Variants in ASAP1 observed in about 807,000 individuals in gnomAD.
ASAP1 encodes ArfGAP with SH3 domain, ankyrin repeat and PH domain 1, also known as arf-GAP with SH3 domain, ANK repeat and PH domain-containing protein 1.
A neutral mutation model predicts 145.2 loss-of-function variants in ASAP1; 43 were observed. The observed-to-expected ratio is 0.30, with a 90% confidence interval of 0.23 to 0.38. The LOEUF is 0.38. Ranked by LOEUF, ASAP1 falls within the 10% of genes least tolerant of loss-of-function variation. ASAP1 has a pLI of 1.00. For missense variants in ASAP1, 1,018 were observed against 1,355.3 expected (o/e 0.75, Z 3.91); for synonymous variants, 546 against 515.5 (o/e 1.06, Z -0.80).
chr8:130,283,536 C>G (rs1244863383), intron 3 of ASAP1, among the ~76,000 whole-genome samples: 2 of 131,898 alleles, frequency 1.5e-5, no homozygotes, highest in Non-Finnish European at 3.1e-5. Context: ...GAGGAGATCA[C>G]GTCACTGCAC....
intron 5 of ASAP1, among the ~76,000 whole-genome samples, chr8:130,188,882 T>C (rs925318744): frequency 6.6e-6 from 1 of 152,184 alleles, no homozygotes; most frequent in Non-Finnish European, 1.5e-5. Context: ...TCTGCCAAAA[T>C]TGTAGCTCTT....
intron 2 of ASAP1, among the ~76,000 whole-genome samples, chr8:130,364,768 T>C (rs1438662006): frequency 1.3e-5 from 2 of 152,134 alleles, no homozygotes; most frequent in East Asian, 1.9e-4. Context: ...ATTGGCACCA[T>C]TCAGAGGAGA....
chr8:130,304,217 G>A (rs1330688130), intron 3 of ASAP1, among the ~76,000 whole-genome samples: 3 of 149,454 alleles, frequency 2.0e-5, no homozygotes, highest in African/African-American at 4.9e-5. Flanking sequence ...AAAAAGAAAC[G>A]GCTCCTAGAT....
intron 5 of ASAP1, among the ~76,000 whole-genome samples, chr8:130,191,321 A>G (rs951600340): frequency 6.6e-6 from 1 of 152,164 alleles, no homozygotes; most frequent in African/African-American, 2.4e-5. Context: ...GGAACCCAAG[A>G]CTGCAGAGAC....
intron 3 of ASAP1, among the ~76,000 whole-genome samples, chr8:130,347,363 G>A (rs895544675): frequency 6.6e-6 from 1 of 152,218 alleles, no homozygotes; most frequent in African/African-American, 2.4e-5. Context: ...GGTGACACTT[G>A]CAGAGGGAAG....
In ASAP1 at chr8:130,106,089, CAG is replaced by C. The variant is rs1158386808; in HGVS notation, c.2401+6003_2401+6004del. ...AGGTCACTATTCAGGGCAAAAATCA[CAG>C]ATGATACTCTGGGCCAGCACTAGGT... On this transcript the variant is annotated intron_variant, in intron 24 of 29. Transcript: ENST00000518721. Among the ~76,000 whole-genome samples the C allele has an allele frequency of 5.9e-5, 9 of 152,268 alleles. No homozygotes were observed. The East Asian group carries it at 1.7e-3, about 29-fold the overall frequency.
intron 3 of ASAP1, 78 bp from the exon 4 acceptor site, chr8:130,237,072 T>G (rs188361342): frequency 8.8e-7 from 1 of 1,131,818 alleles, no homozygotes; most frequent in Admixed American, 2.6e-5. Flanking sequence ...TCATTTGTAA[T>G]TGCATTTGTT....
At chr8:130,313,664 A>G (rs1307046119) in intron 3 of ASAP1, among the ~76,000 whole-genome samples, 1 of 152,248 alleles carries the variant, frequency 6.6e-6, no homozygotes, top group African/African-American at 2.4e-5. Context: ...CAGAAAATAA[A>G]AAATAAAATT....
chr8:130,439,182 T>C (rs1436345520), intron 1 of ASAP1, among the ~76,000 whole-genome samples: 1 of 151,788 alleles, frequency 6.6e-6, no homozygotes, highest in Non-Finnish European at 1.5e-5. Flanking sequence ...GCTTTGGAGG[T>C]GGAAGAAGGA....
intron 3 of ASAP1, among the ~76,000 whole-genome samples, chr8:130,351,605 G>C (rs1337590176): frequency 6.6e-6 from 1 of 152,150 alleles, no homozygotes; most frequent in Non-Finnish European, 1.5e-5. Flanking sequence ...AGGAGGAGAA[G>C]TGGGAGCAGG....
intron 3 of ASAP1, among the ~76,000 whole-genome samples, chr8:130,318,764 A>G (rs1431122056): frequency 6.6e-6 from 1 of 152,172 alleles, no homozygotes; most frequent in Admixed American, 6.6e-5. Context: ...CTTCAAATAT[A>G]GACTAGACAC....
intron 16 of ASAP1, among the ~76,000 whole-genome samples, chr8:130,126,616 A>G (rs1166146417): frequency 6.6e-6 from 1 of 152,204 alleles, no homozygotes; most frequent in African/African-American, 2.4e-5. Flanking sequence ...CCCTAGAACA[A>G]TGGGAACTAT....
At chr8:130,430,102 C>T (rs534891960) in intron 1 of ASAP1, among the ~76,000 whole-genome samples, 1 of 152,318 alleles carries the variant, frequency 6.6e-6, no homozygotes, top group South Asian at 2.1e-4. Context: ...CACCAGGGCC[C>T]CGATCCTTCT....
intron 5 of ASAP1, among the ~76,000 whole-genome samples, chr8:130,212,856 A>T (rs1374215501): frequency 6.6e-6 from 1 of 152,226 alleles, no homozygotes; most frequent in Non-Finnish European, 1.5e-5. Flanking sequence ...TGGTCCAGGA[A>T]CCTTGGAGGT....
At position 130,358,342 on chromosome 8, in the gene ASAP1, G is replaced by C. The variant is rs1442647013; in HGVS notation, c.60-199C>G. On this transcript the variant is annotated intron_variant, in intron 2 of 29. Coordinates refer to ENST00000518721, the MANE Select transcript of ASAP1 (RefSeq NM_018482.4). The surrounding 1 kb of genome is among the most constrained non-coding windows in gnomAD (Gnocchi z 4.1). ...GCGAAGGCAGGCGGCGGCGGCGCTGGCGGGGCTCGGCGCGGGGCCCTTCAA... is the reference window on the plus strand; with the variant it reads ...GCGAAGGCAGGCGGCGGCGGCGCTGCCGGGGCTCGGCGCGGGGCCCTTCAA... 2.0e-5 allele frequency among the ~76,000 whole-genome samples: 3 copies of C among 148,578 alleles called. No homozygotes were observed. Among genetic ancestry groups the C allele is most frequent in the Non-Finnish European group, 4.5e-5 (3 of 66,496 alleles).
At chr8:130,430,088 T>G (rs1830085945) in intron 1 of ASAP1, among the ~76,000 whole-genome samples, 1 of 152,152 alleles carries the variant, frequency 6.6e-6, no homozygotes, top group South Asian at 2.1e-4. Context: ...TGAACTCCCC[T>G]GAGCACCAGG....
At chr8:130,378,382 C>T (rs968186282) in intron 2 of ASAP1, among the ~76,000 whole-genome samples, 3 of 152,200 alleles carry the variant, frequency 2.0e-5, no homozygotes, top group Admixed American at 6.5e-5. Flanking sequence ...AAGGACTTCA[C>T]GGCGAAGGTG....
At chr8:130,331,252 G>A (rs539587947) in intron 3 of ASAP1, among the ~76,000 whole-genome samples, 1 of 152,280 alleles carries the variant, frequency 6.6e-6, no homozygotes, top group South Asian at 2.1e-4. Context: ...CCATTCTCTG[G>A]AAGGTTAGTT....
intron 3 of ASAP1, among the ~76,000 whole-genome samples, chr8:130,281,792 C>T (rs372340089): frequency 6.6e-6 from 1 of 152,106 alleles, no homozygotes; most frequent in Non-Finnish European, 1.5e-5. Context: ...GGAGGCTGGG[C>T]GCGGTGGCTC....
Sources: allele counts gnomAD v4.1 joint callset (sites outside exome capture counted in the v4.1 genomes callset), GRCh38; gene constraint gnomAD v4.1.1; non-coding constraint Gnocchi (gnomAD v3.1); transcripts MANE v1.5; gene names NCBI Gene and HGNC (gene_info 2026-07-23, HGNC 2026-07-21).